Variants in SEC24A observed in about 807,000 individuals in gnomAD.
The protein encoded by SEC24A is SEC24 homolog A, COPII component.
In SEC24A, 93 loss-of-function variants were observed where a neutral mutation model predicts 129.4. The observed-to-expected ratio is 0.72, with a 90% CI of 0.61 to 0.85. SEC24A has a LOEUF of 0.85. Ranked by LOEUF, SEC24A falls within the 40% of genes least tolerant of loss-of-function variation. SEC24A has a pLI of 0.00. For missense variants in SEC24A, 1,264 were observed against 1,307.4 expected (o/e 0.97, Z 0.51); for synonymous variants, 460 against 467.3 (o/e 0.98, Z 0.20).
chr5:134,710,874 G>A (rs1752307751), intron 18 of SEC24A, among the ~76,000 whole-genome samples: 1 of 152,206 alleles, frequency 6.6e-6, no homozygotes, highest in South Asian at 2.1e-4. Context: ...GGTGGCTCAT[G>A]CCTGTAATCC....
At chr5:134,649,236 G>T in intron 1 of SEC24A, 63 bp downstream of exon 1, 1 of 1,194,518 alleles carries the variant, frequency 8.4e-7, no homozygotes, top group Non-Finnish European at 1.2e-6. Flanking sequence ...GCGTGCCACT[G>T]CTGCTTGAGG....
intron 18 of SEC24A, among the ~76,000 whole-genome samples, chr5:134,713,628 T>C (rs1452656787): frequency 1.3e-5 from 2 of 152,150 alleles, no homozygotes; most frequent in East Asian, 3.8e-4. Flanking sequence ...TTAAGAGCTT[T>C]TATTATCTTC....
chr5:134,683,781 C>T (rs1418767871), intron 9 of SEC24A, among the ~76,000 whole-genome samples: 2 of 152,196 alleles, frequency 1.3e-5, no homozygotes, highest in African/African-American at 2.4e-5. Flanking sequence ...AAAGCACGTA[C>T]ACTTTTGATC....
chr5:134,727,319 G>C lies in SEC24A; in HGVS notation c.*2225G>C, dbSNP rs1160889200. On this transcript the variant is annotated 3_prime_UTR_variant, in exon 23 of 23. Transcript: ENST00000398844. ...CTACAACTACTAATGTAACAGACAAGGGCAATCTTGGTATTTAAATCTGAG... is the reference window on the plus strand; with the variant it reads ...CTACAACTACTAATGTAACAGACAACGGCAATCTTGGTATTTAAATCTGAG... 1 of 152,216 alleles carries C rather than the reference G, an allele frequency of 6.6e-6. No individual in the cohort carries two copies. The highest frequency in any genetic ancestry group is 1.9e-4 in the East Asian group (1 of 5,180). 9.4% of individuals were successfully genotyped at this position (152,216 alleles called of 1,614,324 possible). A position where few individuals can be genotyped will look rare whatever the true frequency, so the allele number is the denominator to read the frequency against.
At chr5:134,658,155 T>C (rs1300546277) in intron 1 of SEC24A, among the ~76,000 whole-genome samples, 5 of 152,048 alleles carry the variant, frequency 3.3e-5, no homozygotes, top group Admixed American at 6.6e-5. Flanking sequence ...TAATCCTAGC[T>C]ACTCGAGAGG....
chr5:134,713,289 C>T (rs1752385267), intron 18 of SEC24A, among the ~76,000 whole-genome samples: 1 of 151,906 alleles, frequency 6.6e-6, no homozygotes, highest in South Asian at 2.1e-4. Flanking sequence ...TCAGGCCTTT[C>T]TTGAAATACT....
chr5:134,678,807 C>T (rs902200762), intron 7 of SEC24A, among the ~76,000 whole-genome samples: 3 of 152,188 alleles, frequency 2.0e-5, no homozygotes, highest in African/African-American at 7.2e-5. Flanking sequence ...GTCTTGAACT[C>T]CTGACCTCGC....
At chr5:134,716,675 G>A (rs1752485047) in intron 19 of SEC24A, among the ~76,000 whole-genome samples, 1 of 150,550 alleles carries the variant, frequency 6.6e-6, no homozygotes, top group Admixed American at 6.6e-5. Flanking sequence ...ATGCACGCCT[G>A]TAATCCTGGG....
intron 21 of SEC24A, among the ~76,000 whole-genome samples, chr5:134,722,557 A>G (rs1216896631): frequency 6.6e-6 from 1 of 152,148 alleles, no homozygotes; most frequent in Non-Finnish European, 1.5e-5. Context: ...ACGCCATTGC[A>G]CTCCAGCCTG....
chr5:134,693,217 C>G, intron 12 of SEC24A: 1 of 1,512,838 alleles, frequency 6.6e-7, no homozygotes, highest in Non-Finnish European at 8.8e-7. Context: ...GCAATGGTGA[C>G]TGTGCCATAG....
rs140167189 is a variant in SEC24A at position 134,727,338 on chromosome 5, A to G, written c.*2244A>G. The G allele has an allele frequency of 3.1e-4, 47 of 152,648 alleles. No homozygotes were observed. The highest frequency in any genetic ancestry group is 1.1e-3 in the African/African-American group (47 of 41,544). 9.5% of individuals were successfully genotyped at this position (152,648 alleles called of 1,614,324 possible). ...AGACAAGGGCAATCTTGGTATTTAA[A>G]TCTGAGCATGGCAGTTCTACCATAA... On this transcript the variant is annotated 3_prime_UTR_variant, in exon 23 of 23. Transcript: ENST00000398844.
chr5:134,720,959 G>T, intron 20 of SEC24A, 39 bp from the exon 21 acceptor site: 1 of 1,109,570 alleles, frequency 9.0e-7, no homozygotes, highest in Non-Finnish European at 1.4e-6. Context: ...TCACCTTTAT[G>T]TATGCTGCAT....
chr5:134,672,898 G>T (rs1750918708), intron 4 of SEC24A, among the ~76,000 whole-genome samples: 1 of 151,630 alleles, frequency 6.6e-6, no homozygotes, highest in South Asian at 2.1e-4. Flanking sequence ...ACCATGCCAG[G>T]CTAGTTTTTT....
At chr5:134,718,750 T>G (rs1038624225) in intron 20 of SEC24A, among the ~76,000 whole-genome samples, 1 of 152,104 alleles carries the variant, frequency 6.6e-6, no homozygotes, top group Non-Finnish European at 1.5e-5. Context: ...GGCAGGTAGA[T>G]CATTTGAGGT....
chr5:134,695,191 G>A (rs953463466), intron 13 of SEC24A, among the ~76,000 whole-genome samples: 1 of 152,066 alleles, frequency 6.6e-6, no homozygotes, highest in Non-Finnish European at 1.5e-5. Context: ...GCAACATAGT[G>A]AGACCCTGTC....
chr5:134,650,519 C>T (rs2150064246), intron 1 of SEC24A, among the ~76,000 whole-genome samples: 2 of 151,822 alleles, frequency 1.3e-5, no homozygotes, highest in African/African-American at 2.4e-5. Context: ...TACAGTCCAA[C>T]AGACATTTGT....
chr5:134,674,921 C>T (rs1409901331), intron 5 of SEC24A, 124 bp from the exon 6 acceptor site: 2 of 1,142,086 alleles, frequency 1.8e-6, no homozygotes, highest in African/African-American at 1.6e-5. Context: ...TGTCTTTATA[C>T]ATTTTTCCAG....
At chr5:134,709,533 G>T (rs1268868268) in intron 18 of SEC24A, among the ~76,000 whole-genome samples, 1 of 152,202 alleles carries the variant, frequency 6.6e-6, no homozygotes, top group Non-Finnish European at 1.5e-5. Flanking sequence ...CATGCACTGT[G>T]TGTTCTCACT....
chr5:134,703,867 AAG>A lies in SEC24A; in HGVS notation c.2380_2381del (p.Leu795TyrfsTer2). The A allele has an allele frequency of 1.9e-6, 3 of 1,610,592 alleles. No homozygotes were observed. Among genetic ancestry groups the A allele is most frequent in the Non-Finnish European group, 2.5e-6 (3 of 1,176,864 alleles). On this transcript the variant is annotated frameshift_variant, in exon 16 of 23. Coordinates refer to ENST00000398844, the MANE Select transcript of SEC24A (RefSeq NM_021982.3). LOFTEE classifies it high-confidence loss of function. ...GGGTATGCAGTACAGATGTCAGTGG[AAG>A]AGAGTCTTACTGACACTCAGTTGGT...
Sources: gnomAD v4.1 joint callset for allele counts (sites outside exome capture counted in the v4.1 genomes callset) on GRCh38, gnomAD v4.1.1 for gene constraint, MANE v1.5 for transcripts, NCBI Gene and HGNC (gene_info 2026-07-23, HGNC 2026-07-21) for gene names.